Variants in BPIFA2 observed in about 807,000 individuals in gnomAD.
BPIFA2 encodes the protein BPI fold containing family A member 2, also known as BPI fold-containing family A member 2.
In BPIFA2, 20 loss-of-function variants were observed where a neutral mutation model predicts 25.7. The observed-to-expected ratio is 0.78, with a 90% CI of 0.55 to 1.13. The LOEUF is 1.13. Ranked by LOEUF, BPIFA2 falls within the 50% of genes most tolerant of loss-of-function variation. BPIFA2 has a pLI of 0.00. For missense variants in BPIFA2, 300 were observed against 298.1 expected (o/e 1.01, Z -0.05); for synonymous variants, 126 against 124.3 (o/e 1.01, Z -0.09).
chr20:33,179,675 A>G lies in BPIFA2; in HGVS notation c.709+8A>G. 6.2e-7 allele frequency: 1 copy of G among 1,605,624 alleles called. No individual in the cohort carries two copies. The highest frequency in any genetic ancestry group is 1.1e-5 in the South Asian group (1 of 90,888). On this transcript the variant is annotated splice_region_variant and intron_variant, in intron 7 of 8. Coordinates refer to ENST00000354932, the MANE Select transcript of BPIFA2 (RefSeq NM_080574.4). Reference sequence around the variant, plus strand: ...TCATTCAGCAGGTCGTCGGTAAGTCAATGGGGAAGTGGGGACCTTCTGAGG... The same window carrying G: ...TCATTCAGCAGGTCGTCGGTAAGTCGATGGGGAAGTGGGGACCTTCTGAGG...
At chr20:33,169,365 T>G (rs8183474) in intron 2 of BPIFA2, 63 bp downstream of exon 2, 3 of 1,544,340 alleles carry the variant, frequency 1.9e-6, no homozygotes, top group Non-Finnish European at 2.7e-6. Context: ...TATGCCTGCA[T>G]TACCAGAGGC....
In BPIFA2 at chr20:33,173,173, C is replaced by T. The variant is rs1184364449; in HGVS notation, c.302+97C>T. 6 of 1,420,924 alleles carry T rather than the reference C, an allele frequency of 4.2e-6. No individual in the cohort carries two copies. In the East Asian group the frequency reaches 1.4e-4, roughly 33 times the overall value. 88.0% of individuals were successfully genotyped at this position (1,420,924 alleles called of 1,614,324 possible). A position where few individuals can be genotyped will look rare whatever the true frequency, so the allele number is the denominator to read the frequency against. On this transcript the variant is annotated intron_variant, in intron 3 of 8. Transcript: ENST00000354932. ...TAAGATGAAAGACAGATGGACAAGCCTCATTCCCCTCCCACAGAGCCAAGG... is the reference window on the plus strand; with the variant it reads ...TAAGATGAAAGACAGATGGACAAGCTTCATTCCCCTCCCACAGAGCCAAGG...
At chr20:33,178,645 A>G (rs569559529) in intron 6 of BPIFA2, among the ~76,000 whole-genome samples, 1 of 152,216 alleles carries the variant, frequency 6.6e-6, no homozygotes, top group African/African-American at 2.4e-5. Flanking sequence ...CCATCTGTGC[A>G]TCATCCAAAA....
chr20:33,168,368 T>G (rs78706073), intron 1 of BPIFA2, among the ~76,000 whole-genome samples, 159 bp downstream of exon 1: 4,398 of 152,290 alleles, frequency 0.029, 187 homozygotes, highest in African/African-American at 0.098. Context: ...GGCAAGTTCG[T>G]GATGAGTACT....
intron 2 of BPIFA2, among the ~76,000 whole-genome samples, chr20:33,169,880 C>T (rs530163426): frequency 6.6e-6 from 1 of 152,264 alleles, no homozygotes. Context: ...ATTATCCCTA[C>T]CTAGCCTTGG....
rs765924379 is a variant in BPIFA2, at chr20:33,173,033, A to C, written c.259A>C (p.Asn87His). 6.2e-7 allele frequency: 1 copy of C among 1,614,046 alleles called. No individual in the cohort carries two copies. The highest frequency in any genetic ancestry group is 2.2e-5 in the East Asian group (1 of 44,872). Residue 87 changes from asparagine to histidine, a missense_variant, in exon 3 of 9, where the codon AAT becomes CAT. By Grantham distance (68) the Asn-to-His change is moderately conservative (BLOSUM62 1). Transcript: ENST00000354932. ...KAQEAEKLLN[N>H]VISKLLPTNT... ...CCAGGAAGCTGAGAAATTGCTGAAC[A>C]ATGTCATTTCTAAGCTGCTTCCAAC...
intron 8 of BPIFA2, among the ~76,000 whole-genome samples, chr20:33,180,914 T>A (rs1465937003): frequency 6.6e-6 from 1 of 152,210 alleles, no homozygotes; most frequent in Non-Finnish European, 1.5e-5. Flanking sequence ...TATCCATGAT[T>A]CTGATCACAT....
intron 5 of BPIFA2, 134 bp from the exon 6 acceptor site, chr20:33,178,013 G>A: frequency 3.4e-6 from 2 of 588,522 alleles, no homozygotes; most frequent in Non-Finnish European, 6.0e-6. Flanking sequence ...GGGAGGCTCT[G>A]TCTGTTAAAG....
upstream of BPIFA2, chr20:33,168,123 C>T (rs1983778816): frequency 7.0e-6 from 1 of 142,044 alleles, no homozygotes; most frequent in Admixed American, 7.3e-5. Flanking sequence ...ATCCCATCTC[C>T]ACCATATAAT....
intron 2 of BPIFA2, among the ~76,000 whole-genome samples, chr20:33,170,674 G>T (rs112290183): frequency 6.6e-6 from 1 of 152,154 alleles, no homozygotes; most frequent in Admixed American, 6.5e-5. Flanking sequence ...GATTACAGGC[G>T]TGAGCCACCA....
At chr20:33,176,773 T>C (rs7271370) in intron 5 of BPIFA2, among the ~76,000 whole-genome samples, 4,324 of 152,228 alleles carry the variant, frequency 0.028, 184 homozygotes, top group African/African-American at 0.096. Context: ...TGTATCCCTG[T>C]ACCCTCCCCT....
At position 33,180,647 on chromosome 20, in the gene BPIFA2, A is replaced by C. The variant is rs1984247285; in HGVS notation, c.*37+50A>C. On this transcript the variant is annotated intron_variant, in intron 8 of 8. Transcript: ENST00000354932. ...AATGCACAGGGGCCTATGGTGAAGT[A>C]AAAGTCAAGCGTGGCTTCCCTTATT... is the stretch of plus-strand genomic sequence containing the variant. The C allele has an allele frequency of 2.8e-6, 4 of 1,451,930 alleles. No individual in the cohort carries two copies. In the Admixed American group the frequency reaches 7.0e-5, roughly 25 times the overall value. The allele number at this position is 1,451,930 out of a possible 1,614,324, so 89.9% of individuals were successfully genotyped here.
chr20:33,179,596 G>C lies in BPIFA2; in HGVS notation c.646-8G>C, dbSNP rs542488787. 6.2e-7 allele frequency: 1 copy of C among 1,605,682 alleles called. No individual in the cohort carries two copies. The highest frequency in any genetic ancestry group is 1.1e-5 in the South Asian group (1 of 90,908). The stretch of plus-strand genomic sequence containing the variant: ...TGACCCTCCTCTTCCTCCTTTCTCC[G>C]CTGTCAGATATGTCCACTGATCCGC... On this transcript the variant is annotated splice_polypyrimidine_tract_variant and splice_region_variant and intron_variant, in intron 6 of 8. Transcript: ENST00000354932.
At chr20:33,174,692 C>G (rs1463280410) in intron 4 of BPIFA2, among the ~76,000 whole-genome samples, 1 of 152,152 alleles carries the variant, frequency 6.6e-6, no homozygotes, top group African/African-American at 2.4e-5. Flanking sequence ...GGGAGGATTG[C>G]TTGAGCTCAG....
chr20:33,179,531 T>A lies in BPIFA2; in HGVS notation c.646-73T>A. The A allele has an allele frequency of 2.3e-6, 3 of 1,312,268 alleles. No individual in the cohort carries two copies. The South Asian group carries it at 3.5e-5, about 15-fold the overall frequency. 81.3% of individuals were successfully genotyped at this position (1,312,268 alleles called of 1,614,324 possible). ...TCATCTGTGGGTGGCAAGCAATTTG[T>A]TCTCAGCTGAGAAGAATGATCTGTT... is the stretch of plus-strand genomic sequence containing the variant. On this transcript the variant is annotated intron_variant, in intron 6 of 8. Coordinates refer to ENST00000354932, the MANE Select transcript of BPIFA2 (RefSeq NM_080574.4).
At chr20:33,170,433 A>G (rs922320884) in intron 2 of BPIFA2, among the ~76,000 whole-genome samples, 14 of 152,206 alleles carry the variant, frequency 9.2e-5, no homozygotes, top group African/African-American at 2.9e-4. Flanking sequence ...ATTTTTTGAG[A>G]CAAGGTCTCA....
chr20:33,178,542 T>A (rs1045385519), intron 6 of BPIFA2, among the ~76,000 whole-genome samples: 3 of 152,248 alleles, frequency 2.0e-5, no homozygotes, highest in Non-Finnish European at 4.4e-5. Context: ...CATTTATTTT[T>A]AAAAATAAAA....
intron 6 of BPIFA2, among the ~76,000 whole-genome samples, chr20:33,178,741 G>A (rs1007575012): frequency 6.6e-6 from 1 of 152,172 alleles, no homozygotes; most frequent in African/African-American, 2.4e-5. Context: ...AGGAATGTGG[G>A]TTTATAAAAG....
chr20:33,166,401 G>A (rs1411178600), upstream of BPIFA2, among the ~76,000 whole-genome samples: 2 of 152,136 alleles, frequency 1.3e-5, no homozygotes, highest in Non-Finnish European at 2.9e-5. Flanking sequence ...CGTAAGCCGG[G>A]ACCATATGCG....
Sources: gnomAD v4.1 joint callset for allele counts (sites outside exome capture counted in the v4.1 genomes callset) on GRCh38, gnomAD v4.1.1 for gene constraint, MANE v1.5 for transcripts, NCBI Gene and HGNC (gene_info 2026-07-23, HGNC 2026-07-21) for gene names.